Variants in PCSK2 observed in about 807,000 individuals in gnomAD.
The protein encoded by PCSK2 is neuroendocrine convertase 2.
Under a neutral mutation model 69.7 loss-of-function variants are expected in PCSK2, and 14 were observed. That is an observed-to-expected ratio of 0.20 (90% confidence interval 0.13 to 0.31). The LOEUF (loss-of-function observed/expected upper bound fraction) is 0.31. Among genes scored for constraint, PCSK2 ranks in the 10% least tolerant of loss-of-function variants. PCSK2 has a pLI of 1.00. For missense variants in PCSK2, 544 were observed against 842.5 expected, an observed-to-expected ratio of 0.65 and a Z score of 4.39; for synonymous variants, 307 against 320.7, an observed-to-expected ratio of 0.96 and a Z score of 0.46.
chr20:17,475,052 G>A (rs182984680), intron 11 of PCSK2, among the ~76,000 whole-genome samples: 1 of 151,886 alleles, frequency 6.6e-6, no homozygotes, highest in Non-Finnish European at 1.5e-5. Flanking sequence ...ATTGAGGGAG[G>A]GCTTTTCAGG....
chr20:17,406,596 C>CG (rs2031756494), intron 5 of PCSK2, among the ~76,000 whole-genome samples: 1 of 152,208 alleles, frequency 6.6e-6, no homozygotes, highest in African/African-American at 2.4e-5. Context: ...GGTCCTGCTT[C>CG]CAACCCCTGC....
At chr20:17,231,841 T>C (rs529351134) in intron 1 of PCSK2, among the ~76,000 whole-genome samples, 31 of 152,258 alleles carry the variant, frequency 2.0e-4, no homozygotes, top group African/African-American at 7.2e-4. Flanking sequence ...GAATTGAGTT[T>C]CTTGTGGTTT....
chr20:17,447,528 C>A (rs1374995763), intron 8 of PCSK2, among the ~76,000 whole-genome samples: 1 of 152,124 alleles, frequency 6.6e-6, no homozygotes, highest in East Asian at 1.9e-4. Flanking sequence ...AGTTCTCATG[C>A]ACTGCTGGTA....
rs74179105 is a variant in PCSK2 at position 17,355,650 on chromosome 20, AAC to A, written c.283-2653_283-2652del. Reference sequence around the variant, plus strand: ...ATGAATATGCACATGTGTGCACGCAAACACACACACACACACACACACACAGA... The same window carrying A: ...ATGAATATGCACATGTGTGCACGCAAACACACACACACACACACACACAGA... On this transcript the variant is annotated intron_variant, in intron 2 of 11. Coordinates refer to ENST00000262545, the MANE Select transcript of PCSK2 (RefSeq NM_002594.5). 3.8e-3 allele frequency among the ~76,000 whole-genome samples: 563 copies of A among 148,804 alleles called. 12 individuals carry two copies. The highest frequency in any genetic ancestry group is 4.2e-3 in the Admixed American group (62 of 14,918).
chr20:17,260,137 C>T (rs1474373835), intron 1 of PCSK2, 103 bp from the exon 2 acceptor site: 2 of 746,372 alleles, frequency 2.7e-6, no homozygotes, highest in Non-Finnish European at 2.4e-6. Flanking sequence ...TTGCATACTT[C>T]CCTACCCCAT....
chr20:17,419,676 C>T (rs947400665), intron 6 of PCSK2, among the ~76,000 whole-genome samples: 8 of 152,182 alleles, frequency 5.3e-5, no homozygotes, highest in Admixed American at 2.0e-4. Flanking sequence ...CATTGTCAAG[C>T]TGCCTGCTGC....
Position 17,453,853 on chromosome 20 carries a change from T to C in PCSK2, c.997T>C (p.Ser333Pro). Residue 333 changes from serine (S) to proline (P), a missense_variant, in exon 9 of 12, where the codon TCA becomes CCA. By Grantham distance (74) the Ser-to-Pro change is moderately conservative. Coordinates refer to ENST00000262545, the MANE Select transcript of PCSK2 (RefSeq NM_002594.5). This position sits in a 1 kb window ranked among gnomAD's most constrained non-coding sequence, Gnocchi z 4.0. Reference sequence around the variant, plus strand: ...CAGCATGTGGACCATCTCCATCAACTCAGCCATCAACGACGGCAGGACTGC... The same window carrying C: ...CAGCATGTGGACCATCTCCATCAACCCAGCCATCAACGACGGCAGGACTGC... ...ASSMWTISIN[S>P]AINDGRTALY... The C allele has an allele frequency of 6.2e-7, 1 of 1,614,240 alleles. No individual in the cohort carries two copies. Among genetic ancestry groups the C allele is most frequent in the Non-Finnish European group, 8.5e-7 (1 of 1,180,044 alleles).
chr20:17,345,760 G>T (rs1990634250), intron 2 of PCSK2, among the ~76,000 whole-genome samples: 1 of 152,038 alleles, frequency 6.6e-6, no homozygotes, highest in Non-Finnish European at 1.5e-5. Flanking sequence ...ACGGTTTGGG[G>T]CATAGTCTTT....
intron 2 of PCSK2, among the ~76,000 whole-genome samples, chr20:17,287,689 A>G (rs955804123): frequency 6.6e-6 from 1 of 152,196 alleles, no homozygotes; most frequent in Admixed American, 6.5e-5. Context: ...ATTAGCAACC[A>G]CAGGTGGCGC....
chr20:17,229,926 G>A (rs186881913), intron 1 of PCSK2, among the ~76,000 whole-genome samples: 7 of 152,220 alleles, frequency 4.6e-5, no homozygotes, highest in Admixed American at 1.3e-4. Flanking sequence ...CATTATTTCA[G>A]GTATATAAGT....
At chr20:17,464,579 G>A (rs2033067675) in intron 10 of PCSK2, 1 of 152,154 alleles carries the variant, frequency 6.6e-6, no homozygotes, top group South Asian at 2.1e-4. Flanking sequence ...CCACGAGACT[G>A]ACCACTAACA....
intron 2 of PCSK2, among the ~76,000 whole-genome samples, chr20:17,268,060 T>TATATAA (rs1395373344): frequency 4.6e-4 from 67 of 146,222 alleles, no homozygotes; most frequent in African/African-American, 1.6e-3. Flanking sequence ...TATATATATA[T>TATATAA]ATAATGCATT....
At chr20:17,318,611 T>G (rs1405862924) in intron 2 of PCSK2, among the ~76,000 whole-genome samples, 1 of 152,234 alleles carries the variant, frequency 6.6e-6, no homozygotes, top group African/African-American at 2.4e-5. Context: ...AGTATGTTTG[T>G]CATTTTCCAA....
chr20:17,333,363 A>AT (rs1990252206), intron 2 of PCSK2, among the ~76,000 whole-genome samples: 1 of 152,210 alleles, frequency 6.6e-6, no homozygotes, highest in Non-Finnish European at 1.5e-5. Flanking sequence ...TAGATCCACC[A>AT]TGACTTGTGC....
chr20:17,408,665 T>C (rs2031805401), intron 5 of PCSK2, among the ~76,000 whole-genome samples: 1 of 152,260 alleles, frequency 6.6e-6, no homozygotes, highest in South Asian at 2.1e-4. Flanking sequence ...TGTATTCCCG[T>C]ACTTAGCAAA....
At chr20:17,255,029 C>A (rs1307396741) in intron 1 of PCSK2, among the ~76,000 whole-genome samples, 1 of 152,182 alleles carries the variant, frequency 6.6e-6, no homozygotes, top group African/African-American at 2.4e-5. Context: ...TATTCTGCAA[C>A]CTTGCTGACT....
At chr20:17,270,201 T>C (rs893794936) in intron 2 of PCSK2, among the ~76,000 whole-genome samples, 1 of 151,596 alleles carries the variant, frequency 6.6e-6, no homozygotes, top group Non-Finnish European at 1.5e-5. Flanking sequence ...CAAAAAAAAT[T>C]TTTTTTAATA....
chr20:17,481,658 G>A lies in PCSK2; in HGVS notation c.1505G>A (p.Arg502His), dbSNP rs2033404519. ...TGTGAGGGGAAGGAAAATTTTGTCC[G>A]CTACCTGGAGCATGTCCAGGCTGTC... ...DACEGKENFV[R>H]YLEHVQAVIT... The change falls in exon 12 of 12, where the codon CGC becomes CAC. Residue 502 changes from arginine to histidine, a missense_variant. Physicochemically the swap from Arg to His is conservative, Grantham distance 29. Around this residue, in one of 3 missense-constraint regions of PCSK2, gnomAD observed 200 missense variants for 287.8 expected, o/e 0.69. Transcript: ENST00000262545. The A allele has an allele frequency of 2.5e-6, 4 of 1,614,100 alleles. No individual in the cohort carries two copies. The highest frequency in any genetic ancestry group is 1.7e-5 in the Admixed American group (1 of 60,028).
chr20:17,321,200 T>C (rs1448038130), intron 2 of PCSK2, among the ~76,000 whole-genome samples: 2 of 152,248 alleles, frequency 1.3e-5, no homozygotes, highest in Non-Finnish European at 1.5e-5. Flanking sequence ...CTGGATTTCA[T>C]TCTGTCCCTG....
Sources: allele counts gnomAD v4.1 joint callset (sites outside exome capture counted in the v4.1 genomes callset), GRCh38; gene constraint gnomAD v4.1.1; regional missense constraint gnomAD v4.1.1; non-coding constraint Gnocchi (gnomAD v3.1); transcripts MANE v1.5; gene names NCBI Gene and HGNC (gene_info 2026-07-23, HGNC 2026-07-21).